Variants in SVEP1 observed in about 807,000 individuals in gnomAD.
SVEP1 encodes the protein sushi, von Willebrand factor type A, EGF and pentraxin domain-containing protein 1.
In SVEP1, 164 loss-of-function variants were observed where a neutral mutation model predicts 367.3. The observed-to-expected ratio is 0.45, with a 90% CI of 0.39 to 0.51. The LOEUF is 0.51. SVEP1 is among the 20% of genes least tolerant of loss of function. The pLI is 0.00. For missense variants in SVEP1, 4,117 were observed against 4,425.3 expected, an observed-to-expected ratio of 0.93 and a Z score of 1.98; for synonymous variants, 1,666 against 1,611.6, an observed-to-expected ratio of 1.03 and a Z score of -0.81.
chr9:110,483,891 C>A (rs183481852), intron 9 of SVEP1, among the ~76,000 whole-genome samples, 198 bp from the exon 10 acceptor site: 1 of 152,176 alleles, frequency 6.6e-6, no homozygotes, highest in African/African-American at 2.4e-5. Context: ...TGCTATACTT[C>A]CCCCATCTGT....
At chr9:110,448,129 ATGTGTG>A (rs143871165) in intron 24 of SVEP1, among the ~76,000 whole-genome samples, 3 of 142,970 alleles carry the variant, frequency 2.1e-5, no homozygotes, top group African/African-American at 7.8e-5. Context: ...AAGAAAGTGA[ATGTGTG>A]TGTGTGTGTG....
chr9:110,555,660 A>G (rs1364194295), intron 1 of SVEP1, among the ~76,000 whole-genome samples: 2 of 152,198 alleles, frequency 1.3e-5, no homozygotes, highest in Non-Finnish European at 2.9e-5. Context: ...TATTTACAGG[A>G]AACATTACAT....
At chr9:110,567,563 G>C (rs1026288013) in intron 1 of SVEP1, among the ~76,000 whole-genome samples, 7 of 152,224 alleles carry the variant, frequency 4.6e-5, no homozygotes, top group African/African-American at 1.7e-4. Context: ...GCCCATGTGT[G>C]AGTTCTTTGA....
At chr9:110,434,551 G>A in intron 29 of SVEP1, 45 bp from the exon 30 acceptor site, 5 of 1,570,088 alleles carry the variant, frequency 3.2e-6, no homozygotes, top group Non-Finnish European at 4.3e-6. Flanking sequence ...GCGGCATAGT[G>A]GTAGCATCAC....
At chr9:110,437,374 G>A (rs976093207) in intron 27 of SVEP1, among the ~76,000 whole-genome samples, 2 of 152,140 alleles carry the variant, frequency 1.3e-5, no homozygotes, top group Non-Finnish European at 2.9e-5. Context: ...ATCTGTTGTT[G>A]CTAGTCATAT....
At chr9:110,513,164 C>A in intron 4 of SVEP1, 59 bp from the exon 5 acceptor site, 1 of 1,146,482 alleles carries the variant, frequency 8.7e-7, no homozygotes, top group Non-Finnish European at 1.2e-6. Flanking sequence ...ATGACATATC[C>A]TTTTTTTTTT....
Position 110,494,605 on chromosome 9 carries a change from C to CT in SVEP1, c.1800+2209dup, listed in dbSNP as rs1232514687. On this transcript the variant is annotated intron_variant, in intron 8 of 47. Coordinates refer to ENST00000374469, the MANE Select transcript of SVEP1 (RefSeq NM_153366.4). Reference sequence around the variant, plus strand: ...ATCTTACTTTTCTACCAAGAAATTTCTTTTTTTGGAAATTTTCTGAGGGAA... The same window carrying CT: ...ATCTTACTTTTCTACCAAGAAATTTCTTTTTTTTGGAAATTTTCTGAGGGAA... 3.3e-5 allele frequency among the ~76,000 whole-genome samples: 5 copies of CT among 152,014 alleles called. No homozygotes were observed. In the East Asian group the frequency reaches 9.6e-4, roughly 29 times the overall value.
At chr9:110,393,756 A>G (rs1827707469) in intron 40 of SVEP1, among the ~76,000 whole-genome samples, 1 of 152,206 alleles carries the variant, frequency 6.6e-6, no homozygotes, top group Non-Finnish European at 1.5e-5. Context: ...AGTCTCACTC[A>G]TTGCTAGAAC....
Position 110,411,210 on chromosome 9 carries a change from C to A in SVEP1, c.6501G>T (p.Met2167Ile), listed in dbSNP as rs867390597. The change falls in exon 37 of 48, where the codon ATG becomes ATT. Residue 2167 changes from methionine (M) to isoleucine (I), a missense_variant. By Grantham distance (10) the Met-to-Ile change is conservative. This residue lies in a region of SVEP1 where 1,765 missense variants were observed against 1,781.1 expected (regional missense o/e 0.99). Transcript: ENST00000374469. ...ASGSNYSFGAMVAYSCNKGFY... is the reference protein window; with the variant it reads ...ASGSNYSFGAIVAYSCNKGFY... Reference sequence around the variant, plus strand: ...ACCCCTTGTTGCAGCTGTAAGCCACCATGGCTCCAAAACTGTAGTTTGATC... The same window carrying A: ...ACCCCTTGTTGCAGCTGTAAGCCACAATGGCTCCAAAACTGTAGTTTGATC... The A allele has an allele frequency of 6.8e-6, 11 of 1,614,032 alleles. No homozygotes were observed. In the African/African-American group the frequency reaches 9.3e-5, roughly 14 times the overall value.
At chr9:110,395,169 C>A (rs1298277765) in intron 40 of SVEP1, among the ~76,000 whole-genome samples, 2 of 152,230 alleles carry the variant, frequency 1.3e-5, no homozygotes, top group Non-Finnish European at 2.9e-5. Context: ...AGAAACTCTA[C>A]AAGCCAGAAG....
chr9:110,475,190 G>C (rs1233392424), intron 14 of SVEP1, among the ~76,000 whole-genome samples: 1 of 152,104 alleles, frequency 6.6e-6, no homozygotes, highest in Admixed American at 6.5e-5. Flanking sequence ...AAAAGCAACA[G>C]TCAACATCAC....
intron 8 of SVEP1, among the ~76,000 whole-genome samples, chr9:110,494,206 G>A (rs1588080137): frequency 6.6e-6 from 1 of 152,136 alleles, no homozygotes; most frequent in Non-Finnish European, 1.5e-5. Context: ...TATCTTTGAG[G>A]TAGCCATTTT....
intron 40 of SVEP1, among the ~76,000 whole-genome samples, chr9:110,390,787 C>T (rs1022483210): frequency 1.2e-4 from 18 of 152,082 alleles, no homozygotes; most frequent in African/African-American, 4.3e-4. Flanking sequence ...GATGTGAGAA[C>T]AGGTATTTGC....
In SVEP1 at chr9:110,513,088, G is replaced by A. The variant is rs1470259462; in HGVS notation, c.1141C>T (p.Leu381=). The stretch of plus-strand genomic sequence containing the variant: ...AAGTAACCATTTTCGGGAGGCTTCA[G>A]GGCAGGGCAGTGGACAACTAACATT... ...QTCELVHCPA[L]KPPENGYFIQ... is the part of the protein sequence containing the mutation. Residue 381 remains leucine, a synonymous_variant, in exon 5 of 48, where the codon CTG becomes TTG. Coordinates refer to ENST00000374469, the MANE Select transcript of SVEP1 (RefSeq NM_153366.4). The A allele has an allele frequency of 2.5e-6, 4 of 1,613,226 alleles. No individual in the cohort carries two copies. Among genetic ancestry groups the A allele is most frequent in the South Asian group, 1.1e-5 (1 of 91,022 alleles).
At chr9:110,576,561 A>G (rs576212337) in intron 1 of SVEP1, among the ~76,000 whole-genome samples, 2 of 152,194 alleles carry the variant, frequency 1.3e-5, no homozygotes, top group East Asian at 3.9e-4. Flanking sequence ...ATTTATTATC[A>G]GTAAAATAAA....
At chr9:110,547,479 G>T (rs1830234488) in intron 2 of SVEP1, among the ~76,000 whole-genome samples, 1 of 152,182 alleles carries the variant, frequency 6.6e-6, no homozygotes, top group African/African-American at 2.4e-5. Flanking sequence ...GAAGACTGAG[G>T]TGGGAGGATC....
At chr9:110,502,969 A>G in intron 6 of SVEP1, 69 bp downstream of exon 6, 1 of 1,519,882 alleles carries the variant, frequency 6.6e-7, no homozygotes, top group Non-Finnish European at 8.8e-7. Context: ...TTAGGTCTTC[A>G]CAGAATACTG....
intron 3 of SVEP1, among the ~76,000 whole-genome samples, chr9:110,545,743 G>A (rs1433306272): frequency 6.6e-6 from 1 of 152,096 alleles, no homozygotes; most frequent in Non-Finnish European, 1.5e-5. Context: ...TAGGCTTCAA[G>A]GGGCCTTACA....
At chr9:110,519,866 CT>C (rs968324927) in intron 3 of SVEP1, among the ~76,000 whole-genome samples, 1 of 151,398 alleles carries the variant, frequency 6.6e-6, no homozygotes, top group Non-Finnish European at 1.5e-5. Flanking sequence ...TGGCAAGTGA[CT>C]TTTTTTTTCT....
Sources: allele counts gnomAD v4.1 joint callset (sites outside exome capture counted in the v4.1 genomes callset), GRCh38; gene constraint gnomAD v4.1.1; regional missense constraint gnomAD v4.1.1; transcripts MANE v1.5; gene names NCBI Gene and HGNC (gene_info 2026-07-23, HGNC 2026-07-21).